The following GALNT13 variants were observed in gnomAD, a reference collection of about 807,000 sequenced individuals.
The protein encoded by GALNT13 is polypeptide N-acetylgalactosaminyltransferase 13, also known as UDP-GalNAc:polypeptide N-acetylgalactosaminyltransferase 13.
In GALNT13, 28 loss-of-function variants were observed where a neutral mutation model predicts 64.2. That is an observed-to-expected ratio of 0.44 (90% CI 0.32 to 0.60). The LOEUF (loss-of-function observed/expected upper bound fraction) is 0.60, where lower values mean the gene tolerates loss of function less well. Among genes scored for constraint, GALNT13 ranks in the 20% least tolerant of loss-of-function variants. GALNT13 has a pLI of 0.05. For missense variants in GALNT13, 577 were observed against 669.8 expected (o/e 0.86, Z 1.53); for synonymous variants, 214 against 224.6 (o/e 0.95, Z 0.42).
At chr2:153,332,534 G>GT in the GALNT13 span, among the ~76,000 whole-genome samples, 86,686 of 136,140 alleles carry the variant, frequency 0.64, 28,118 homozygotes, top group Non-Finnish European at 0.72. Flanking sequence ...TGAGAGTATT[G>GT]TTTTTTTTTT....
the GALNT13 span, among the ~76,000 whole-genome samples, chr2:153,628,470 T>G: frequency 6.6e-6 from 1 of 151,762 alleles, no homozygotes; most frequent in Non-Finnish European, 1.5e-5. Context: ...CAGTATGATA[T>G]TGGCTGTGGG....
intron 9 of GALNT13, among the ~76,000 whole-genome samples, chr2:154,366,623 C>T (rs1434612651): frequency 6.6e-6 from 1 of 152,182 alleles, no homozygotes; most frequent in Admixed American, 6.6e-5. Context: ...GTCACGACTT[C>T]TGAGCAGTGT....
chr2:153,767,434 A>G, the GALNT13 span, among the ~76,000 whole-genome samples: 2 of 152,086 alleles, frequency 1.3e-5, no homozygotes, highest in Non-Finnish European at 1.5e-5. Flanking sequence ...GCCTTTTAAT[A>G]TAATTATTTC....
At chr2:154,393,963 A>C (rs1460650790) in intron 9 of GALNT13, among the ~76,000 whole-genome samples, 1 of 147,886 alleles carries the variant, frequency 6.8e-6, no homozygotes, top group African/African-American at 2.5e-5. Flanking sequence ...CTGTAGTCCC[A>C]GCTACTTGGG....
the GALNT13 span, among the ~76,000 whole-genome samples, chr2:153,535,547 G>A: frequency 6.6e-6 from 1 of 152,176 alleles, no homozygotes; most frequent in Admixed American, 6.5e-5. Flanking sequence ...CACAGTCTAA[G>A]TTGGTCTGGT....
chr2:153,433,474 C>A, the GALNT13 span, among the ~76,000 whole-genome samples: 1 of 152,148 alleles, frequency 6.6e-6, no homozygotes, highest in Non-Finnish European at 1.5e-5. Flanking sequence ...GAATACTGTA[C>A]ACGTTAACTT....
intron 7 of GALNT13, chr2:154,257,610 A>C (rs1200496070): frequency 6.6e-6 from 1 of 152,150 alleles, no homozygotes; most frequent in Non-Finnish European, 1.5e-5. Flanking sequence ...CAAGGCGAAA[A>C]GTAATAAAAT....
intron 4 of GALNT13, among the ~76,000 whole-genome samples, chr2:154,223,451 T>TC (rs995681895): frequency 7.4e-5 from 5 of 67,512 alleles, no homozygotes; most frequent in Non-Finnish European, 1.6e-4. Context: ...TCTTTTTCTT[T>TC]TTTTTTTTTT....
At chr2:154,010,739 CT>C (rs1407851246) in intron 3 of GALNT13, among the ~76,000 whole-genome samples, 1 of 151,966 alleles carries the variant, frequency 6.6e-6, no homozygotes, top group African/African-American at 2.4e-5. Flanking sequence ...GCTTGTTAGG[CT>C]TTTTACTACT....
At chr2:154,085,559 CAG>C (rs1054464895) in intron 3 of GALNT13, among the ~76,000 whole-genome samples, 19 of 151,970 alleles carry the variant, frequency 1.3e-4, no homozygotes, top group African/African-American at 4.3e-4. Flanking sequence ...TTTGGAACTC[CAG>C]AGTCTTGGGT....
chr2:153,445,471 G>C, the GALNT13 span, among the ~76,000 whole-genome samples: 1 of 152,032 alleles, frequency 6.6e-6, no homozygotes, highest in Non-Finnish European at 1.5e-5. Flanking sequence ...TTGACCTTCC[G>C]GGCTCAGGTG....
chr2:153,233,538 T>C, the GALNT13 span, among the ~76,000 whole-genome samples: 1 of 152,108 alleles, frequency 6.6e-6, no homozygotes, highest in Non-Finnish European at 1.5e-5. Flanking sequence ...TGATCTATGA[T>C]CTATTTATCT....
At chr2:154,141,501 A>G (rs571213794) in intron 4 of GALNT13, among the ~76,000 whole-genome samples, 2 of 152,256 alleles carry the variant, frequency 1.3e-5, no homozygotes, top group East Asian at 1.9e-4. Flanking sequence ...AAACGAAGAC[A>G]CAAACATACA....
chr2:154,008,949 A>G (rs1696441881), intron 3 of GALNT13, among the ~76,000 whole-genome samples: 1 of 152,176 alleles, frequency 6.6e-6, no homozygotes, highest in Non-Finnish European at 1.5e-5. Flanking sequence ...TTGGGGGAGT[A>G]TATACTCAAC....
chr2:153,805,059 C>A, the GALNT13 span, among the ~76,000 whole-genome samples: 1 of 151,372 alleles, frequency 6.6e-6, no homozygotes, highest in Non-Finnish European at 1.5e-5. Flanking sequence ...TTACGGTATA[C>A]ATAGATTGAT....
At chr2:153,995,640 C>G (rs1695473832) in intron 3 of GALNT13, among the ~76,000 whole-genome samples, 1 of 152,046 alleles carries the variant, frequency 6.6e-6, no homozygotes, top group Non-Finnish European at 1.5e-5. Context: ...CCCTCAATGT[C>G]TATCCCTCAA....
intron 3 of GALNT13, among the ~76,000 whole-genome samples, chr2:153,999,344 A>G (rs1416279906): frequency 2.6e-5 from 4 of 151,734 alleles, no homozygotes; most frequent in Admixed American, 1.3e-4. Flanking sequence ...AAGACTCCCA[A>G]TAGTATGTTA....
intron 8 of GALNT13, among the ~76,000 whole-genome samples, chr2:154,265,662 G>GCACT (rs1209121880): frequency 1.3e-5 from 2 of 152,112 alleles, no homozygotes; most frequent in Non-Finnish European, 2.9e-5. Flanking sequence ...CTGCACCATT[G>GCACT]CACTCCAGCC....
At chr2:154,258,547 A>T (rs1387086792) in intron 7 of GALNT13, among the ~76,000 whole-genome samples, 1 of 152,044 alleles carries the variant, frequency 6.6e-6, no homozygotes, top group Non-Finnish European at 1.5e-5. Context: ...TAAACATTTT[A>T]TAGAATTTAA....
Sources: gnomAD v4.1 joint callset for allele counts (sites outside exome capture counted in the v4.1 genomes callset) on GRCh38, gnomAD v4.1.1 for gene constraint, MANE v1.5 for transcripts, NCBI Gene and HGNC (gene_info 2026-07-23, HGNC 2026-07-21) for gene names.